The following SEMA3A variants were observed in gnomAD, a reference collection of about 807,000 sequenced individuals.
The protein encoded by SEMA3A is semaphorin-3A.
SEMA3A carries 29 observed loss-of-function variants against 97.9 expected under a neutral mutation model. The observed-to-expected ratio is 0.30, with a 90% CI of 0.22 to 0.40. The LOEUF is 0.40. Among genes scored for constraint, SEMA3A ranks in the 10% least tolerant of loss-of-function variants. The pLI, the probability that SEMA3A is intolerant of heterozygous loss-of-function variation, is 1.00. For missense variants in SEMA3A, 763 were observed against 951.3 expected, an observed-to-expected ratio of 0.80 and a Z score of 2.60; for synonymous variants, 321 against 323.7, an observed-to-expected ratio of 0.99 and a Z score of 0.09.
chr7:84,214,427 G>C (rs1346866588), intron 3 of SEMA3A, among the ~76,000 whole-genome samples: 1 of 152,032 alleles, frequency 6.6e-6, no homozygotes, highest in African/African-American at 2.4e-5. Flanking sequence ...TATTCTACCA[G>C]CACTGTTATT....
At chr7:84,406,397 G>T in intron 1 of SEMA3A, among the ~76,000 whole-genome samples, 1 of 152,062 alleles carries the variant, frequency 6.6e-6, no homozygotes. Context: ...TGAAATTGAG[G>T]CAATAATTAA....
At chr7:84,136,656 A>G (rs1039709162) in intron 1 of SEMA3A, among the ~76,000 whole-genome samples, 25 of 152,146 alleles carry the variant, frequency 1.6e-4, no homozygotes, top group Admixed American at 1.5e-3. Context: ...AATTATTGCA[A>G]TCTTATCTAC....
chr7:84,197,559 CT>C (rs562315823), upstream of SEMA3A, among the ~76,000 whole-genome samples: 3,673 of 151,282 alleles, frequency 0.024, 84 homozygotes, highest in Non-Finnish European at 0.037. Context: ...AATTGTTTAA[CT>C]TTTTTTTTCT....
intron 3 of SEMA3A, among the ~76,000 whole-genome samples, chr7:84,244,516 C>T (rs956725883): frequency 6.6e-6 from 1 of 152,134 alleles, no homozygotes; most frequent in East Asian, 1.9e-4. Context: ...AAATAGAGCA[C>T]ACGGATGGGA....
At chr7:84,200,145 G>T (rs1219411567), upstream of SEMA3A, among the ~76,000 whole-genome samples, 1 of 149,814 alleles carries the variant, frequency 6.7e-6, no homozygotes, top group Non-Finnish European at 1.5e-5. Context: ...GACTGAATTT[G>T]TAACAGTTGG....
At chr7:84,249,444 A>G (rs1291849099) in intron 3 of SEMA3A, among the ~76,000 whole-genome samples, 3 of 151,864 alleles carry the variant, frequency 2.0e-5, no homozygotes, top group African/African-American at 2.4e-5. Flanking sequence ...AGATATATAC[A>G]TATTTAACTT....
At chr7:84,187,173 A>C (rs1017519557) in intron 1 of SEMA3A, among the ~76,000 whole-genome samples, 99 of 152,332 alleles carry the variant, frequency 6.5e-4, no homozygotes, top group African/African-American at 2.2e-3. Context: ...TTCTCCTAAA[A>C]GTATGGACAA....
At chr7:84,055,482 C>T (rs1050432651) in intron 5 of SEMA3A, among the ~76,000 whole-genome samples, 6 of 152,040 alleles carry the variant, frequency 3.9e-5, no homozygotes. Context: ...TGCCATCCGT[C>T]ACCCCTTTCT....
intron 4 of SEMA3A, among the ~76,000 whole-genome samples, chr7:84,101,058 A>T (rs920503907): frequency 4.5e-4 from 69 of 152,204 alleles, no homozygotes; most frequent in Non-Finnish European, 1.9e-4. Flanking sequence ...ACAGCTGACT[A>T]ATCAGACTGC....
At chr7:84,034,845 C>T (rs1791885108) in intron 6 of SEMA3A, among the ~76,000 whole-genome samples, 1 of 151,970 alleles carries the variant, frequency 6.6e-6, no homozygotes, top group Non-Finnish European at 1.5e-5. Context: ...GGTACCTCAT[C>T]AAGACTAATA....
intron 2 of SEMA3A, among the ~76,000 whole-genome samples, chr7:84,335,185 A>C (rs1051077004): frequency 5.3e-5 from 8 of 152,014 alleles, no homozygotes; most frequent in Non-Finnish European, 1.0e-4. Context: ...CTCTACTATT[A>C]ATTTATTATG....
chr7:84,362,270 G>T (rs1368117870), intron 2 of SEMA3A, among the ~76,000 whole-genome samples: 1 of 151,836 alleles, frequency 6.6e-6, no homozygotes, highest in Non-Finnish European at 1.5e-5. Context: ...CCCAGATTCA[G>T]TTACCATATT....
chr7:84,128,750 T>C (rs1329874719), intron 3 of SEMA3A, among the ~76,000 whole-genome samples: 1 of 152,102 alleles, frequency 6.6e-6, no homozygotes, highest in Admixed American at 6.6e-5. Flanking sequence ...TAATTCAAAA[T>C]CCTGAAATCT....
chr7:84,356,949 G>C (rs1016549712), intron 2 of SEMA3A, among the ~76,000 whole-genome samples: 1 of 151,446 alleles, frequency 6.6e-6, no homozygotes, highest in African/African-American at 2.4e-5. Flanking sequence ...CCACTTATAC[G>C]TGATGTGCTG....
At chr7:84,023,815 C>A (rs1463741349) in intron 6 of SEMA3A, among the ~76,000 whole-genome samples, 3 of 151,950 alleles carry the variant, frequency 2.0e-5, no homozygotes, top group Non-Finnish European at 4.4e-5. Flanking sequence ...TCGAGACCAT[C>A]CTGGCTAACA....
At chr7:84,006,662 TAC>T (rs1225367633) in intron 10 of SEMA3A, among the ~76,000 whole-genome samples, 1 of 152,208 alleles carries the variant, frequency 6.6e-6, no homozygotes, top group Non-Finnish European at 1.5e-5. Context: ...CTTTTAGTCT[TAC>T]ACTTAAATAA....
At chr7:84,332,898 C>T (rs1218981839) in intron 2 of SEMA3A, among the ~76,000 whole-genome samples, 2 of 151,998 alleles carry the variant, frequency 1.3e-5, no homozygotes, top group East Asian at 1.9e-4. Flanking sequence ...AATGACTTAA[C>T]ATTTCAGAGT....
intron 1 of SEMA3A, among the ~76,000 whole-genome samples, chr7:84,467,328 C>G (rs1806026114): frequency 6.6e-6 from 1 of 151,938 alleles, no homozygotes; most frequent in Admixed American, 6.6e-5. Context: ...CGAGACCATC[C>G]TGGCTAACAC....
Position 84,427,223 on chromosome 7 carries a change from C to A in SEMA3A, c.-245-55323G>T, listed in dbSNP as rs73710476. On this transcript the variant is annotated intron_variant, in intron 1 of 3. Transcript: ENST00000424555. ...CTGACTGAACCCTCTAACCATCCCC[C>A]ACAATGAAGGGAGATATCTATGAAT... is the stretch of plus-strand genomic sequence containing the variant. 1.0e-3 allele frequency among the ~76,000 whole-genome samples: 152 copies of A among 152,186 alleles called. 1 individual carries two copies. Among genetic ancestry groups the A allele is most frequent in the African/African-American group, 3.5e-3 (147 of 41,538 alleles).
Sources: gnomAD v4.1 joint callset for allele counts (sites outside exome capture counted in the v4.1 genomes callset) on GRCh38, gnomAD v4.1.1 for gene constraint, MANE v1.5 for transcripts, NCBI Gene and HGNC (gene_info 2026-07-23, HGNC 2026-07-21) for gene names.